Variants in RIMS2 observed in about 807,000 individuals in gnomAD.
RIMS2 encodes regulating synaptic membrane exocytosis 2, also known as regulating synaptic membrane exocytosis protein 2.
Under a neutral mutation model 174.4 loss-of-function variants are expected in RIMS2, and 59 were observed. The observed-to-expected ratio is 0.34, with a 90% CI of 0.27 to 0.42. The LOEUF (loss-of-function observed/expected upper bound fraction) is 0.42, where lower values mean the gene tolerates loss of function less well. Ranked by LOEUF, RIMS2 falls within the 10% of genes least tolerant of loss-of-function variation. RIMS2 has a pLI of 1.00. For synonymous variants in RIMS2, 606 were observed against 572.5 expected (o/e 1.06, Z -0.84); for missense variants, 1,620 against 1,666.3 (o/e 0.97, Z 0.48).
chr8:103,800,659 C>T (rs906973579), intron 3 of RIMS2, among the ~76,000 whole-genome samples: 3 of 152,094 alleles, frequency 2.0e-5, no homozygotes, highest in Non-Finnish European at 4.4e-5. Flanking sequence ...CTGCATCAAC[C>T]TTGCATTTCT....
chr8:104,222,874 T>C (rs981298486), intron 19 of RIMS2, among the ~76,000 whole-genome samples: 8 of 152,220 alleles, frequency 5.3e-5, no homozygotes, highest in African/African-American at 1.7e-4. Flanking sequence ...GTGCTGGTGT[T>C]TATCGGTTCT....
chr8:103,787,736 G>A (rs1362022521), intron 3 of RIMS2, among the ~76,000 whole-genome samples: 1 of 152,116 alleles, frequency 6.6e-6, no homozygotes, highest in Non-Finnish European at 1.5e-5. Context: ...TGGTGAATCT[G>A]ACAATTATGT....
chr8:103,937,422 T>C (rs924910577), intron 13 of RIMS2, among the ~76,000 whole-genome samples: 1 of 152,216 alleles, frequency 6.6e-6, no homozygotes, highest in Non-Finnish European at 1.5e-5. Flanking sequence ...TATTTATGAA[T>C]TATTTTCAAG....
chr8:103,568,692 T>C, intron 1 of RIMS2: 1 of 727,626 alleles, frequency 1.4e-6, no homozygotes, highest in Non-Finnish European at 2.5e-6. Flanking sequence ...AGCAGCTTCA[T>C]GGTTTTGTTC....
At chr8:103,962,397 G>A (rs1414835623) in intron 15 of RIMS2, among the ~76,000 whole-genome samples, 1 of 152,034 alleles carries the variant, frequency 6.6e-6, no homozygotes, top group African/African-American at 2.4e-5. Flanking sequence ...CACTCAAAGT[G>A]CTTACTCTGG....
rs139597876 is a variant in RIMS2 at position 103,930,676 on chromosome 8, CTT to C, written c.2245-586_2245-585del. Among the ~76,000 whole-genome samples, 1,077 of 152,062 alleles carry C rather than the reference CTT, an allele frequency of 7.1e-3. 10 individuals carry two copies. The highest frequency in any genetic ancestry group is 0.024 in the African/African-American group (979 of 41,482). ...TCATCAACTTCACAAAAGAATGAGA[CTT>C]AATGTCTGAATAAGGAAAAATTTTA... On this transcript the variant is annotated intron_variant, in intron 11 of 23. Transcript: ENST00000504942.
intron 19 of RIMS2, among the ~76,000 whole-genome samples, chr8:104,143,569 T>C (rs2098603466): frequency 1.3e-5 from 2 of 152,170 alleles, no homozygotes. Context: ...AGTAAGCCTT[T>C]CAAGATACCA....
intron 3 of RIMS2, among the ~76,000 whole-genome samples, chr8:103,842,566 T>C (rs1414770641): frequency 6.6e-6 from 1 of 152,222 alleles, no homozygotes; most frequent in African/African-American, 2.4e-5. Context: ...AAAGATTTCC[T>C]GATGTTTAAT....
At chr8:103,892,732 A>C (rs1340066549) in intron 4 of RIMS2, among the ~76,000 whole-genome samples, 21 of 151,794 alleles carry the variant, frequency 1.4e-4, no homozygotes, top group Admixed American at 1.4e-3. Flanking sequence ...CATCATTATA[A>C]CTCCTGACCT....
At chr8:103,849,211 A>T (rs1320605543) in intron 3 of RIMS2, among the ~76,000 whole-genome samples, 1 of 152,056 alleles carries the variant, frequency 6.6e-6, no homozygotes, top group South Asian at 2.1e-4. Context: ...TACAGCAGTG[A>T]TGGAGTGTTC....
intron 19 of RIMS2, among the ~76,000 whole-genome samples, chr8:104,027,055 G>A (rs1188508124): frequency 3.3e-5 from 5 of 152,144 alleles, no homozygotes; most frequent in Non-Finnish European, 7.3e-5. Flanking sequence ...ATGTTTTTGA[G>A]CAGGATGGAC....
chr8:104,057,951 T>C (rs549191145), intron 19 of RIMS2, among the ~76,000 whole-genome samples: 5 of 152,050 alleles, frequency 3.3e-5, no homozygotes, highest in South Asian at 2.1e-4. Flanking sequence ...GCCACATTTT[T>C]TTAATCCAGT....
chr8:103,995,319 T>A (rs577957234), intron 17 of RIMS2, among the ~76,000 whole-genome samples: 7 of 152,240 alleles, frequency 4.6e-5, no homozygotes, highest in African/African-American at 1.7e-4. Context: ...TATCAACTAA[T>A]TTTAAAATGT....
In RIMS2 at chr8:104,166,945, C is replaced by G. The variant is rs183251594; in HGVS notation, c.3335-77971C>G. Among the ~76,000 whole-genome samples the G allele has an allele frequency of 4.3e-3, 656 of 152,202 alleles. 9 individuals carry two copies. Among genetic ancestry groups the G allele is most frequent in the African/African-American group, 0.015 (612 of 41,530 alleles). ...CTCCAGCTCCGTTGAAGTTACTGCA[C>G]AAGACATTATTTCATTCCGTTTTAT... On this transcript the variant is annotated intron_variant, in intron 19 of 23. Transcript: ENST00000504942.
chr8:103,684,478 T>G (rs912232865), intron 1 of RIMS2, among the ~76,000 whole-genome samples: 1 of 152,120 alleles, frequency 6.6e-6, no homozygotes, highest in African/African-American at 2.4e-5. Flanking sequence ...AAATCTTTAC[T>G]GGAACACAGC....
intron 1 of RIMS2, among the ~76,000 whole-genome samples, chr8:103,577,850 T>G (rs1044580822): frequency 1.3e-5 from 2 of 152,106 alleles, no homozygotes; most frequent in African/African-American, 4.8e-5. Context: ...GCAAAATGGA[T>G]GAAGCAGAGG....
intron 3 of RIMS2, among the ~76,000 whole-genome samples, chr8:103,868,966 T>G (rs1256195173): frequency 6.6e-6 from 1 of 152,170 alleles, no homozygotes; most frequent in Non-Finnish European, 1.5e-5. Flanking sequence ...TCATAACTAT[T>G]TAACTGCAAG....
intron 2 of RIMS2, among the ~76,000 whole-genome samples, chr8:103,738,453 AT>A: frequency 6.6e-6 from 1 of 152,354 alleles, no homozygotes; most frequent in East Asian, 1.9e-4. Context: ...AGGCAATACC[AT>A]TCAGGACACA....
chr8:104,245,628 G>T (rs2099327144), intron 20 of RIMS2, among the ~76,000 whole-genome samples: 1 of 152,202 alleles, frequency 6.6e-6, no homozygotes, highest in South Asian at 2.1e-4. Flanking sequence ...TTTAGCTTGT[G>T]TAGTTCTGTC....
Sources: gnomAD v4.1 joint callset for allele counts (sites outside exome capture counted in the v4.1 genomes callset) on GRCh38, gnomAD v4.1.1 for gene constraint, MANE v1.5 for transcripts, NCBI Gene and HGNC (gene_info 2026-07-23, HGNC 2026-07-21) for gene names.